The following PIWIL2 variants were observed in gnomAD, a reference collection of about 807,000 sequenced individuals.
PIWIL2 encodes piwi-like protein 2.
PIWIL2 carries 81 observed loss-of-function variants against 116.5 expected under a neutral mutation model. The observed-to-expected ratio is 0.70, with a 90% CI of 0.58 to 0.84. The LOEUF (loss-of-function observed/expected upper bound fraction) is 0.84, where lower values mean the gene tolerates loss of function less well. PIWIL2 is among the 40% of genes least tolerant of loss of function. PIWIL2 has a pLI of 0.00. For synonymous variants in PIWIL2, 489 were observed against 429.5 expected, an observed-to-expected ratio of 1.14 and a Z score of -1.71; for missense variants, 1,272 against 1,212.3, an observed-to-expected ratio of 1.05 and a Z score of -0.73.
rs368304845 is a variant in PIWIL2 at position 22,283,102 on chromosome 8, G to C, written c.494G>C (p.Arg165Thr). The C allele has an allele frequency of 1.9e-6, 3 of 1,614,070 alleles. No homozygotes were observed. In the African/African-American group the frequency reaches 4.0e-5, roughly 22 times the overall value. ...PLGRAAGGIS[R>T]EVDKPPCTFS... ...GGAAGAGCAGCAGGTGGTATCAGCA[G>C]AGAAGTGGACAAGCCTCCCTGTACC... Residue 165 changes from arginine to threonine, a missense_variant, in exon 5 of 23, where the codon AGA becomes ACA. Arg to Thr is a moderately conservative substitution (Grantham distance 71). Coordinates refer to ENST00000356766, the MANE Select transcript of PIWIL2 (RefSeq NM_018068.5).
At position 22,349,515 on chromosome 8, in the gene PIWIL2, T is replaced by G. The variant is rs202042419; in HGVS notation, c.2404-3444T>G. On this transcript the variant is annotated intron_variant, in intron 20 of 22. Transcript: ENST00000356766. Reference sequence around the variant, plus strand: ...TGATCATTTTTCTTCACTTTTCAACTGAAGAAATTGAGTCTTGAAGGTCAC... The same window carrying G: ...TGATCATTTTTCTTCACTTTTCAACGGAAGAAATTGAGTCTTGAAGGTCAC... 4.6e-5 allele frequency among the ~76,000 whole-genome samples: 7 copies of G among 151,254 alleles called. No individual in the cohort carries two copies. In the East Asian group the frequency reaches 1.4e-3, roughly 29 times the overall value.
chr8:22,310,746 A>G (rs746600494), intron 15 of PIWIL2, among the ~76,000 whole-genome samples: 4 of 152,154 alleles, frequency 2.6e-5, no homozygotes, highest in African/African-American at 4.8e-5. Context: ...CACACCCAGT[A>G]TAGCCACTGT....
chr8:22,285,314 T>A (rs1328398528), intron 6 of PIWIL2, among the ~76,000 whole-genome samples: 3 of 152,194 alleles, frequency 2.0e-5, no homozygotes, highest in Non-Finnish European at 4.4e-5. Flanking sequence ...ATGAGTGAGA[T>A]CAGATGGTAT....
chr8:22,337,923 G>T (rs553609431), intron 20 of PIWIL2, among the ~76,000 whole-genome samples: 5 of 151,130 alleles, frequency 3.3e-5, no homozygotes, highest in Non-Finnish European at 5.9e-5. Flanking sequence ...GCAAAACCCC[G>T]TCTCTACTAA....
Position 22,283,132 on chromosome 8 carries a change from G to T in PIWIL2, c.524G>T (p.Ser175Ile). Residue 175 changes from serine to isoleucine, a missense_variant, in exon 5 of 23, where the codon AGC (serine) becomes ATC (isoleucine). Ser to Ile is a moderately radical substitution (Grantham distance 142). Coordinates refer to ENST00000356766, the MANE Select transcript of PIWIL2 (RefSeq NM_018068.5). Reference sequence around the variant, plus strand: ...GTGGACAAGCCTCCCTGTACCTTCAGCACACCGTCCCGGGGTCCCCCGCAG... The same window carrying T: ...GTGGACAAGCCTCCCTGTACCTTCATCACACCGTCCCGGGGTCCCCCGCAG... ...REVDKPPCTFSTPSRGPPQLS... is the reference protein window; with the variant it reads ...REVDKPPCTFITPSRGPPQLS... The T allele has an allele frequency of 1.2e-6, 2 of 1,614,172 alleles. No homozygotes were observed. Among genetic ancestry groups the T allele is most frequent in the African/African-American group, 2.7e-5 (2 of 75,058 alleles).
intron 5 of PIWIL2, among the ~76,000 whole-genome samples, 191 bp downstream of exon 5, chr8:22,283,431 C>T (rs538571367): frequency 4.1e-4 from 62 of 152,310 alleles, no homozygotes; most frequent in African/African-American, 1.2e-3. Flanking sequence ...CTTTTTGAGA[C>T]GGAGTCTCAC....
Position 22,317,022 on chromosome 8 carries a change from C to T in PIWIL2, c.2297+689C>T, listed in dbSNP as rs183500472. On this transcript the variant is annotated intron_variant, in intron 19 of 22. Transcript: ENST00000356766. ...CTCAAACTCCTGGGCTTAAGTGATC[C>T]ACCTGCCTCAGTCTCCCAAAGTGCT... is the stretch of plus-strand genomic sequence containing the variant. Among the ~76,000 whole-genome samples the T allele has an allele frequency of 5.3e-5, 8 of 152,252 alleles. No individual in the cohort carries two copies. The East Asian group carries it at 1.4e-3, about 26-fold the overall frequency.
chr8:22,282,348 C>G (rs1830529319), intron 4 of PIWIL2, among the ~76,000 whole-genome samples: 1 of 149,920 alleles, frequency 6.7e-6, no homozygotes, highest in Non-Finnish European at 1.5e-5. Flanking sequence ...GCCTCACACC[C>G]AGCTAATTTT....
At chr8:22,296,283 G>C (rs1198545110) in intron 10 of PIWIL2, among the ~76,000 whole-genome samples, 1 of 151,924 alleles carries the variant, frequency 6.6e-6, no homozygotes, top group Non-Finnish European at 1.5e-5. Flanking sequence ...TTGACCTTGT[G>C]ATCCACCTGC....
intron 5 of PIWIL2, among the ~76,000 whole-genome samples, chr8:22,283,807 G>A (rs527422165): frequency 1.3e-5 from 2 of 152,332 alleles, no homozygotes; most frequent in South Asian, 4.1e-4. Context: ...TCCCAATTGA[G>A]ACAATTCCTT....
In PIWIL2 at chr8:22,284,180, A is replaced by T; in HGVS notation, c.651A>T (p.Gln217His). 1.3e-6 allele frequency: 2 copies of T among 1,587,798 alleles called. No homozygotes were observed. The highest frequency in any genetic ancestry group is 1.7e-6 in the Non-Finnish European group (2 of 1,168,972). The stretch of plus-strand genomic sequence containing the variant: ...TTTCTAGAGAGCTTATTGTGAAGCA[A>T]GGATCAAAAGGAACACCTCAGTCTT... ...EHKEKELIVK[Q>H]GSKGTPQSLG... The change falls in exon 6 of 23, where the codon CAA becomes CAT. Residue 217 changes from glutamine to histidine, a missense_variant. Gln to His is a conservative substitution (Grantham distance 24). Coordinates refer to ENST00000356766, the MANE Select transcript of PIWIL2 (RefSeq NM_018068.5).
intron 20 of PIWIL2, among the ~76,000 whole-genome samples, chr8:22,351,027 G>C (rs934330254): frequency 6.6e-6 from 1 of 151,964 alleles, no homozygotes; most frequent in Non-Finnish European, 1.5e-5. Context: ...TGTAGTCCCA[G>C]CTAGTCCCAG....
intron 6 of PIWIL2, among the ~76,000 whole-genome samples, chr8:22,285,772 G>C (rs1239000771): frequency 1.3e-5 from 2 of 152,028 alleles, no homozygotes; most frequent in African/African-American, 4.8e-5. Flanking sequence ...CTCCCTAGTA[G>C]CTGGGATTAT....
At chr8:22,296,388 A>G (rs1830908295) in intron 10 of PIWIL2, among the ~76,000 whole-genome samples, 1 of 152,126 alleles carries the variant, frequency 6.6e-6, no homozygotes, top group Non-Finnish European at 1.5e-5. Flanking sequence ...GTCAGATCTC[A>G]TAACTGCTGC....
At chr8:22,349,611 C>G (rs1832311262) in intron 20 of PIWIL2, among the ~76,000 whole-genome samples, 1 of 151,918 alleles carries the variant, frequency 6.6e-6, no homozygotes, top group Non-Finnish European at 1.5e-5. Context: ...CTGTCTGTTT[C>G]CTTGTCTGTC....
chr8:22,305,587 C>T (rs1298774131), intron 12 of PIWIL2, among the ~76,000 whole-genome samples: 1 of 152,144 alleles, frequency 6.6e-6, no homozygotes, highest in Non-Finnish European at 1.5e-5. Context: ...CAGTAGGATA[C>T]AGTGAGACTG....
At chr8:22,333,671 A>G (rs1404288729) in intron 20 of PIWIL2, among the ~76,000 whole-genome samples, 2 of 152,006 alleles carry the variant, frequency 1.3e-5, no homozygotes, top group Non-Finnish European at 2.9e-5. Flanking sequence ...GAACACGAAC[A>G]TCTATAGAAA....
At chr8:22,348,055 T>G (rs576729279) in intron 20 of PIWIL2, among the ~76,000 whole-genome samples, 1 of 151,478 alleles carries the variant, frequency 6.6e-6, no homozygotes, top group South Asian at 2.1e-4. Context: ...CCAGCACTTT[T>G]GGAGGCTGAG....
rs10710520 is a variant in PIWIL2 at position 22,356,071 on chromosome 8, CAAA to C, written c.*581_*583del. 7.1e-5 allele frequency: 6 copies of C among 84,372 alleles called. No individual in the cohort carries two copies. Among genetic ancestry groups the C allele is most frequent in the Non-Finnish European group, 9.9e-5 (4 of 40,542 alleles). The allele number at this position is 84,372 out of a possible 1,614,324, so 5.2% of individuals were successfully genotyped here. ...CTGTTGACAAAGCAAGACTCTGTCT[CAAA>C]AAAAAAAAAAAAAAGCCAACATGAG... is the stretch of plus-strand genomic sequence containing the variant. On this transcript the variant is annotated 3_prime_UTR_variant, in exon 23 of 23. Transcript: ENST00000356766.
Sources: allele counts gnomAD v4.1 joint callset (sites outside exome capture counted in the v4.1 genomes callset), GRCh38; gene constraint gnomAD v4.1.1; transcripts MANE v1.5; gene names NCBI Gene and HGNC (gene_info 2026-07-23, HGNC 2026-07-21).